PSTPIP1: variants seen among roughly 807,000 people sequenced by gnomAD.
The protein encoded by PSTPIP1 is proline-serine-threonine phosphatase interacting protein 1.
PSTPIP1 carries 66 observed loss-of-function variants against 69.6 expected under a neutral mutation model. That is an observed-to-expected ratio of 0.95 (90% CI 0.78 to 1.16). The LOEUF is 1.16. Ranked by LOEUF, PSTPIP1 falls within the 50% of genes most tolerant of loss-of-function variation. The pLI, the probability that PSTPIP1 is intolerant of heterozygous loss-of-function variation, is 0.00. For missense variants in PSTPIP1, 603 were observed against 557.4 expected (o/e 1.08, Z -0.82); for synonymous variants, 266 against 222.7 (o/e 1.19, Z -1.73).
At chr15:77,012,145 CCATCCAT>C in intron 1 of PSTPIP1, among the ~76,000 whole-genome samples, 3 of 126,502 alleles carry the variant, frequency 2.4e-5, no homozygotes, top group African/African-American at 9.4e-5. Flanking sequence ...ATCCATCCAT[CCATCCAT>C]CCATCCACCC....
intron 3 of PSTPIP1, among the ~76,000 whole-genome samples, chr15:77,023,304 A>C (rs922115904): frequency 6.6e-6 from 1 of 152,240 alleles, no homozygotes; most frequent in African/African-American, 2.4e-5. Context: ...AAAGGACAAA[A>C]GAGGATGCCA....
At position 77,028,605 on chromosome 15, in the gene PSTPIP1, G is replaced by T. The variant is rs2076342688; in HGVS notation, c.469G>T (p.Ala157Ser). The T allele has an allele frequency of 6.3e-7, 1 of 1,598,966 alleles. No individual in the cohort carries two copies. Residue 157 changes from alanine (A) to serine (S), a missense_variant, in exon 7 of 15, where the codon GCC (alanine) becomes TCC (serine). Physicochemically the swap from Ala to Ser is moderately conservative, Grantham distance 99 (BLOSUM62 1). Transcript: ENST00000558012. ...KCRDADDAEQ[A>S]FERISANGHQ... ...CCGGGACGCGGACGACGCGGAGCAG[G>T]CCTTCGAGCGCATTAGCGCCAACGG...
chr15:77,037,159 T>C lies in PSTPIP1; in HGVS notation c.1234T>C (p.Tyr412His). Reference protein sequence around the residue: ...NGQRGFVPGSYLEKL With the variant: ...NGQRGFVPGSHLEKL The stretch of plus-strand genomic sequence containing the variant: ...GCAGCGTGGCTTCGTCCCTGGTTCC[T>C]ACCTGGAGAAGCTTTGAGGAAGGGC... The change falls in exon 15 of 15, where the codon TAC becomes CAC. Residue 412 changes from tyrosine (Y) to histidine (H), a missense_variant. By Grantham distance (83) the Tyr-to-His change is moderately conservative. Coordinates refer to ENST00000558012, the MANE Select transcript of PSTPIP1 (RefSeq NM_003978.5). 1 of 1,609,620 alleles carries C rather than the reference T, an allele frequency of 6.2e-7. No homozygotes were observed. The highest frequency in any genetic ancestry group is 8.5e-7 in the Non-Finnish European group (1 of 1,178,760).
chr15:77,021,925 G>T (rs943426044), intron 3 of PSTPIP1, among the ~76,000 whole-genome samples: 3 of 152,202 alleles, frequency 2.0e-5, no homozygotes, highest in South Asian at 2.1e-4. Context: ...GGTGCTGGGG[G>T]TGCTGCATGC....
chr15:77,020,874 G>C (rs974550937), intron 3 of PSTPIP1, among the ~76,000 whole-genome samples: 4 of 143,244 alleles, frequency 2.8e-5, no homozygotes, highest in African/African-American at 1.0e-4. Context: ...CCTGTGGGGG[G>C]GGGGGGTGTG....
rs141236252 is a variant in PSTPIP1 at position 77,027,103 on chromosome 15, C to T, written c.355-749C>T. 1.8e-4 allele frequency among the ~76,000 whole-genome samples: 28 copies of T among 152,332 alleles called. No homozygotes were observed. The highest frequency in any genetic ancestry group is 6.7e-4 in the African/African-American group (28 of 41,584). On this transcript the variant is annotated intron_variant, in intron 5 of 14. Transcript: ENST00000558012. The surrounding 1 kb of genome is among the most constrained non-coding windows in gnomAD (Gnocchi z 4.3). The stretch of plus-strand genomic sequence containing the variant: ...ATGTGTCCTTGTCCAGCCCTGTGCA[C>T]TTGGGTGTTTTGTGCTGTGTGTGTG...
At chr15:76,996,560 GC>G (rs1183466437) in intron 1 of PSTPIP1, among the ~76,000 whole-genome samples, 1 of 152,250 alleles carries the variant, frequency 6.6e-6, no homozygotes, top group Non-Finnish European at 1.5e-5. Context: ...CCCTCCCCGG[GC>G]CTTTTCCTGG....
intron 11 of PSTPIP1, 157 bp from the exon 12 acceptor site, chr15:77,032,705 A>C (rs1239567503): frequency 3.0e-6 from 2 of 658,892 alleles, no homozygotes; most frequent in Non-Finnish European, 2.6e-6. Context: ...TCTTGATGGT[A>C]CCTACGGTGG....
intron 1 of PSTPIP1, among the ~76,000 whole-genome samples, chr15:77,004,011 C>A (rs546651075): frequency 6.6e-6 from 1 of 152,222 alleles, no homozygotes; most frequent in Non-Finnish European, 1.5e-5. Flanking sequence ...TATACTCCAC[C>A]ATTAGAGAAT....
chr15:77,014,815 CCA>C (rs2076018131), intron 1 of PSTPIP1, among the ~76,000 whole-genome samples: 1 of 152,266 alleles, frequency 6.6e-6, no homozygotes, highest in Admixed American at 6.5e-5. Context: ...CAGGCCTTGG[CCA>C]CACTGCCTCA....
rs2076601459 is a variant in PSTPIP1, at chr15:77,037,169, A to G, written c.1244A>G (p.Lys415Arg). 2 of 1,606,152 alleles carry G rather than the reference A, an allele frequency of 1.2e-6. No homozygotes were observed. Among genetic ancestry groups the G allele is most frequent in the African/African-American group, 1.3e-5 (1 of 74,728 alleles). The part of the protein sequence containing the change: ...RGFVPGSYLE[K>R]L ...TTCGTCCCTGGTTCCTACCTGGAGA[A>G]GCTTTGAGGAAGGGCCAGGAGCCCC... Residue 415 changes from lysine to arginine, a missense_variant, in exon 15 of 15, where the codon AAG becomes AGG. By Grantham distance (26) the Lys-to-Arg change is conservative (BLOSUM62 2). Coordinates refer to ENST00000558012, the MANE Select transcript of PSTPIP1 (RefSeq NM_003978.5).
At chr15:77,002,198 T>C (rs186039929) in intron 1 of PSTPIP1, among the ~76,000 whole-genome samples, 2 of 152,280 alleles carry the variant, frequency 1.3e-5, no homozygotes, top group African/African-American at 4.8e-5. Context: ...GCACGGCAGG[T>C]CTAGGCCCAG....
rs144652154 is a variant in PSTPIP1 at position 77,003,704 on chromosome 15, C to G, written c.36+8095C>G. On this transcript the variant is annotated intron_variant, in intron 1 of 14. Transcript: ENST00000558012. ...GAAGCGGGCTTCTTTGAAGCCTCAC[C>G]CAACCCTCACCCACACTTGCTAGGT... Among the ~76,000 whole-genome samples, 4 of 152,162 alleles carry G rather than the reference C, an allele frequency of 2.6e-5. No individual in the cohort carries two copies. In the South Asian group the frequency reaches 6.2e-4, roughly 24 times the overall value.
At chr15:77,029,497 G>C in intron 7 of PSTPIP1, 32 bp from the exon 8 acceptor site, 1 of 1,561,562 alleles carries the variant, frequency 6.4e-7, no homozygotes, top group Non-Finnish European at 8.7e-7. Context: ...CTGGGGCAGG[G>C]GCTTAGCGCT....
At chr15:77,011,830 C>A (rs2075940360) in intron 1 of PSTPIP1, among the ~76,000 whole-genome samples, 1 of 152,132 alleles carries the variant, frequency 6.6e-6, no homozygotes, top group African/African-American at 2.4e-5. Context: ...CAAAGCCCCC[C>A]ACCCTCTTTC....
rs35860563 is a variant in PSTPIP1, at chr15:77,032,342, C to T, written c.786C>T (p.Asp262=). The T allele has an allele frequency of 5.6e-4, 896 of 1,612,640 alleles. 3 individuals carry two copies. The African/African-American group carries it at 7.6e-3, about 14-fold the overall frequency. ...VRLTLEGCSI[D]ADIDSFIQAK... ...TGACGCTGGAAGGCTGCAGCATAGA[C>T]GCCGACATCGACAGTTTCATCCAGG... Residue 262 remains aspartate (D), a synonymous_variant, in exon 11 of 15, where the codon GAC becomes GAT. Coordinates refer to ENST00000558012, the MANE Select transcript of PSTPIP1 (RefSeq NM_003978.5).
chr15:76,995,127 A>AACCTTCCTGCGCAGGCCTCGGGCT lies in PSTPIP1; in HGVS notation c.-446_-423dup. On this transcript the variant is annotated 5_prime_UTR_variant, in exon 1 of 15. Coordinates refer to ENST00000558012, the MANE Select transcript of PSTPIP1 (RefSeq NM_003978.5). ...TGCCTGCCCCGGGGGAGGTTGCACA[A>AACCTTCCTGCGCAGGCCTCGGGCT]ACCTTCCTGCGCAGGCCTCGGGCTG... 8.5e-7 allele frequency: 1 copy of AACCTTCCTGCGCAGGCCTCGGGCT among 1,174,770 alleles called. No individual in the cohort carries two copies. The highest frequency in any genetic ancestry group is 1.1e-6 in the Non-Finnish European group (1 of 935,284). 72.8% of individuals were successfully genotyped at this position (1,174,770 alleles called of 1,614,324 possible).
intron 3 of PSTPIP1, among the ~76,000 whole-genome samples, chr15:77,020,991 C>A (rs1288331061): frequency 2.0e-5 from 3 of 152,194 alleles, no homozygotes; most frequent in African/African-American, 7.2e-5. Context: ...TCCCTGAGGC[C>A]CACAGCTGCC....
intron 3 of PSTPIP1, chr15:77,023,972 C>G (rs1449937314): frequency 6.6e-6 from 1 of 152,326 alleles, no homozygotes; most frequent in African/African-American, 2.4e-5. Context: ...CACAGCCACC[C>G]CTCTCCTTCT....
Sources: gnomAD v4.1 joint callset for allele counts (sites outside exome capture counted in the v4.1 genomes callset) on GRCh38, gnomAD v4.1.1 for gene constraint, Gnocchi (gnomAD v3.1) non-coding constraint, MANE v1.5 for transcripts, NCBI Gene and HGNC (gene_info 2026-07-23, HGNC 2026-07-21) for gene names.